The following RGS12 variants were observed in gnomAD, a reference collection of about 807,000 sequenced individuals.
RGS12 encodes regulator of G-protein signaling 12.
RGS12 carries 66 observed loss-of-function variants against 120.1 expected under a neutral mutation model. The ratio of observed to expected loss-of-function variants is 0.55; its 90% CI spans 0.45 to 0.67. The LOEUF is 0.67. Among genes scored for constraint, RGS12 ranks in the 30% least tolerant of loss-of-function variants. The pLI is 0.00. For missense variants in RGS12, 1,859 were observed against 1,957.7 expected (o/e 0.95, Z 0.95); for synonymous variants, 827 against 804.7 (o/e 1.03, Z -0.47).
At chr4:3,328,992 A>G (rs1419036460) in intron 2 of RGS12, among the ~76,000 whole-genome samples, 1 of 152,128 alleles carries the variant, frequency 6.6e-6, no homozygotes, top group African/African-American at 2.4e-5. Flanking sequence ...TCACAGGGTC[A>G]CCTTTAACTC....
chr4:3,373,192 A>G (rs1203789534), intron 3 of RGS12, among the ~76,000 whole-genome samples: 1 of 152,120 alleles, frequency 6.6e-6, no homozygotes, highest in East Asian at 1.9e-4. Context: ...CGCAGCAGTC[A>G]CTCTGGCTGC....
At position 3,430,653 on chromosome 4, in the gene RGS12, C is replaced by T. The variant is rs780212900; in HGVS notation, c.3812C>T (p.Pro1271Leu). 46 of 1,596,048 alleles carry T rather than the reference C, an allele frequency of 2.9e-5. No individual in the cohort carries two copies. Among genetic ancestry groups the T allele is most frequent in the Middle Eastern group, 1.7e-4 (1 of 6,016 alleles). Residue 1271 changes from proline (P) to leucine (L), a missense_variant, in exon 17 of 18, where the codon CCG (proline) becomes CTG (leucine). Physicochemically the swap from Pro to Leu is moderately conservative, Grantham distance 98. This residue lies in a region of RGS12 where 517 missense variants were observed against 488.5 expected (regional missense o/e 1.06). Transcript: ENST00000336727. ...CCAGTCCAGGAGAGCAGCGACAGCC[C>T]GTCCACCAGCCCGGGCTCAGCCTCC... ...WEPVQESSDS[P>L]STSPGSASSP...
intron 6 of RGS12, among the ~76,000 whole-genome samples, 181 bp from the exon 7 acceptor site, chr4:3,415,797 G>A (rs1420269730): frequency 6.6e-6 from 1 of 152,240 alleles, no homozygotes; most frequent in Non-Finnish European, 1.5e-5. Flanking sequence ...AACAATCGTA[G>A]AGGAGCCCGC....
At chr4:3,415,185 G>A (rs1383513231) in intron 6 of RGS12, among the ~76,000 whole-genome samples, 7 of 150,256 alleles carry the variant, frequency 4.7e-5, no homozygotes, top group Non-Finnish European at 8.9e-5. Context: ...TGATAGGGCC[G>A]CGTGTGAGAG....
At chr4:3,290,752 C>T (rs899772646), upstream of RGS12, among the ~76,000 whole-genome samples, 5 of 152,200 alleles carry the variant, frequency 3.3e-5, no homozygotes, top group African/African-American at 1.2e-4. Context: ...CAGTCTGGGC[C>T]CAAGAGTGAA....
rs976906230 is a variant in RGS12, at chr4:3,316,883, T to C, written c.713T>C (p.Ile238Thr). The C allele has an allele frequency of 3.7e-6, 6 of 1,614,010 alleles. No individual in the cohort carries two copies. The highest frequency in any genetic ancestry group is 3.3e-5 in the Admixed American group (2 of 60,012). The change falls in exon 2 of 18, where the codon ATT (isoleucine) becomes ACT (threonine). Residue 238 changes from isoleucine to threonine, a missense_variant. This residue lies in a region of RGS12 where 967 missense variants were observed against 994.2 expected (regional missense o/e 0.97). Transcript: ENST00000336727. Reference protein sequence around the residue: ...VAMIVGYLGSIELPSTSSNLE... With the variant: ...VAMIVGYLGSTELPSTSSNLE... Reference sequence around the variant, plus strand: ...ATGATCGTGGGCTACTTAGGCTCCATTGAGCTTCCTTCCACGAGCTCCAAC... The same window carrying C: ...ATGATCGTGGGCTACTTAGGCTCCACTGAGCTTCCTTCCACGAGCTCCAAC...
At chr4:3,299,762 C>T (rs980887806) in intron 1 of RGS12, among the ~76,000 whole-genome samples, 3 of 152,226 alleles carry the variant, frequency 2.0e-5, no homozygotes, top group Admixed American at 6.5e-5. Context: ...GGTCAACTAA[C>T]CTGATGAGCC....
At chr4:3,395,343 T>G (rs1333832357) in intron 4 of RGS12, among the ~76,000 whole-genome samples, 6 of 152,346 alleles carry the variant, frequency 3.9e-5, no homozygotes, top group Admixed American at 2.0e-4. Flanking sequence ...CTGTCCATGG[T>G]GCAAATATGG....
At chr4:3,350,894 C>G (rs1013826202) in intron 3 of RGS12, among the ~76,000 whole-genome samples, 5 of 152,054 alleles carry the variant, frequency 3.3e-5, no homozygotes, top group Non-Finnish European at 7.4e-5. Context: ...AATACAGACA[C>G]AAATAAAGAT....
intron 1 of RGS12, among the ~76,000 whole-genome samples, chr4:3,293,996 G>A (rs28608938): frequency 0.029 from 582 of 19,806 alleles, no homozygotes; most frequent in African/African-American, 0.18. Context: ...TGAACACAGA[G>A]GGGGCCCAGA....
intron 9 of RGS12, among the ~76,000 whole-genome samples, chr4:3,420,051 C>T (rs190827092): frequency 1.3e-5 from 2 of 152,086 alleles, no homozygotes; most frequent in African/African-American, 4.8e-5. Flanking sequence ...GTCCTGTGTC[C>T]GAATTTTCAT....
At chr4:3,403,180 TAG>T (rs1338128568) in intron 4 of RGS12, among the ~76,000 whole-genome samples, 1 of 152,222 alleles carries the variant, frequency 6.6e-6, no homozygotes, top group Non-Finnish European at 1.5e-5. Flanking sequence ...ACTTCAGACG[TAG>T]AGAGTTTGTT....
intron 1 of RGS12, among the ~76,000 whole-genome samples, chr4:3,299,737 T>TG (rs1437196914): frequency 6.6e-5 from 10 of 152,244 alleles, no homozygotes; most frequent in African/African-American, 2.4e-4. Flanking sequence ...CTAGAATAGA[T>TG]GCATTTCCTG....
chr4:3,321,106 C>T (rs1220017195), intron 2 of RGS12, among the ~76,000 whole-genome samples: 2 of 152,108 alleles, frequency 1.3e-5, no homozygotes, highest in Non-Finnish European at 2.9e-5. Context: ...AGACAGGAAA[C>T]GCAGCAGTAA....
At chr4:3,428,770 T>C in intron 16 of RGS12, 59 bp downstream of exon 16, 2 of 1,431,430 alleles carry the variant, frequency 1.4e-6, no homozygotes, top group African/African-American at 1.4e-5. Flanking sequence ...GTTTCCAGTA[T>C]AGTCAGTAGA....
intron 3 of RGS12, among the ~76,000 whole-genome samples, chr4:3,362,868 GGTGT>G (rs747669926): frequency 1.1e-4 from 13 of 121,722 alleles, no homozygotes; most frequent in East Asian, 2.5e-4. Context: ...TGTGTGCGAG[GGTGT>G]GTGTGTGTGA....
At chr4:3,345,190 G>A (rs1713677748) in intron 3 of RGS12, among the ~76,000 whole-genome samples, 1 of 152,138 alleles carries the variant, frequency 6.6e-6, no homozygotes, top group African/African-American at 2.4e-5. Context: ...GGCAGTTGCG[G>A]GACAGATGTC....
intron 1 of RGS12, among the ~76,000 whole-genome samples, chr4:3,308,496 C>T (rs1050686331): frequency 3.9e-5 from 6 of 152,132 alleles, no homozygotes; most frequent in African/African-American, 1.2e-4. Flanking sequence ...TTTCCGCGGG[C>T]GGCTGGGGTG....
intron 17 of RGS12, chr4:3,431,660 G>A (rs940238724): frequency 2.1e-5 from 21 of 985,752 alleles, no homozygotes; most frequent in Admixed American, 1.2e-4. Flanking sequence ...CCCAGCAGCC[G>A]GTAGGGAAAG....
Sources: allele counts gnomAD v4.1 joint callset (sites outside exome capture counted in the v4.1 genomes callset), GRCh38; gene constraint gnomAD v4.1.1; regional missense constraint gnomAD v4.1.1; transcripts MANE v1.5; gene names NCBI Gene and HGNC (gene_info 2026-07-23, HGNC 2026-07-21).